Variants in SAMD8 observed in about 807,000 individuals in gnomAD.
SAMD8 encodes the protein sterile alpha motif domain containing 8.
A neutral mutation model predicts 42.0 loss-of-function variants in SAMD8; 20 were observed. The ratio of observed to expected loss-of-function variants is 0.48; its 90% CI spans 0.34 to 0.69. SAMD8 has a LOEUF of 0.69. Among genes scored for constraint, SAMD8 ranks in the 30% least tolerant of loss-of-function variants. The probability of loss-of-function intolerance (pLI) is 0.01; values close to 1 mark genes in which losing one functional copy is unlikely to be tolerated. For synonymous variants in SAMD8, 162 were observed against 173.0 expected, an observed-to-expected ratio of 0.94 and a Z score of 0.50; for missense variants, 328 against 511.6, an observed-to-expected ratio of 0.64 and a Z score of 3.46.
intron 2 of SAMD8, among the ~76,000 whole-genome samples, chr10:75,161,003 G>T (rs910234041): frequency 2.0e-5 from 3 of 152,184 alleles, no homozygotes; most frequent in Admixed American, 2.0e-4. Flanking sequence ...AGGAGGTGGA[G>T]GTTGCAGTTA....
intron 2 of SAMD8, among the ~76,000 whole-genome samples, chr10:75,162,640 A>G (rs939194936): frequency 3.0e-5 from 4 of 134,272 alleles, no homozygotes; most frequent in Non-Finnish European, 6.2e-5. Context: ...CACGAGTGAA[A>G]CTCCGTCTCA....
At chr10:75,105,837 C>T in intron 1 of SAMD8, 2 of 1,550,592 alleles carry the variant, frequency 1.3e-6, no homozygotes, top group Non-Finnish European at 1.7e-6. Context: ...CAGAGCGGCT[C>T]ACGCCCACCA....
rs545194029 is a variant in SAMD8 at position 75,120,341 on chromosome 10, G to C, written c.-16+8619G>C. On this transcript the variant is annotated intron_variant, in intron 1 of 5. Coordinates refer to ENST00000542569, the MANE Select transcript of SAMD8 (RefSeq NM_001174156.2). The stretch of plus-strand genomic sequence containing the variant: ...GGCTGGAGTGCAGTGGCACGATCTC[G>C]GCTCACCGCAAGCTCCGCCTCCCAG... Among the ~76,000 whole-genome samples the C allele has an allele frequency of 3.3e-5, 5 of 151,730 alleles. No individual in the cohort carries two copies. The South Asian group carries it at 1.0e-3, about 32-fold the overall frequency.
chr10:75,163,550 C>T (rs1336948120), intron 2 of SAMD8, among the ~76,000 whole-genome samples: 2 of 152,182 alleles, frequency 1.3e-5, no homozygotes, highest in Non-Finnish European at 2.9e-5. Context: ...CCTCCCACCT[C>T]AGCCTTCCAA....
At chr10:75,160,236 G>A (rs1239292551) in intron 2 of SAMD8, among the ~76,000 whole-genome samples, 1 of 151,678 alleles carries the variant, frequency 6.6e-6, no homozygotes, top group Non-Finnish European at 1.5e-5. Context: ...TTGCTCTGTC[G>A]CCCAGGCTGG....
At chr10:75,126,882 T>G (rs889901992) in intron 1 of SAMD8, among the ~76,000 whole-genome samples, 2 of 151,864 alleles carry the variant, frequency 1.3e-5, no homozygotes, top group Admixed American at 1.3e-4. Context: ...CAGTGCAAAA[T>G]TGTGATTCAA....
At chr10:75,130,280 T>C (rs558162680) in intron 1 of SAMD8, among the ~76,000 whole-genome samples, 35 of 152,108 alleles carry the variant, frequency 2.3e-4, no homozygotes, top group African/African-American at 8.4e-4. Context: ...GGCAGGCAGA[T>C]CACCTGAGGT....
At chr10:75,121,247 AT>A (rs1848998649) in intron 1 of SAMD8, among the ~76,000 whole-genome samples, 1 of 152,232 alleles carries the variant, frequency 6.6e-6, no homozygotes, top group South Asian at 2.1e-4. Context: ...GCAGGGTCAC[AT>A]AACTGTGAGT....
intron 1 of SAMD8, among the ~76,000 whole-genome samples, chr10:75,103,633 G>C (rs1210716060): frequency 1.3e-5 from 2 of 152,198 alleles, no homozygotes. Context: ...TGCACTCCCA[G>C]ATGGTGGGAA....
intron 4 of SAMD8, among the ~76,000 whole-genome samples, chr10:75,170,597 A>T (rs1840828385): frequency 6.6e-6 from 1 of 151,794 alleles, no homozygotes; most frequent in Non-Finnish European, 1.5e-5. Context: ...TCAAATTATA[A>T]AATTATATGT....
chr10:75,113,332 A>G (rs908797117), intron 1 of SAMD8, among the ~76,000 whole-genome samples: 52 of 152,002 alleles, frequency 3.4e-4, no homozygotes, highest in Non-Finnish European at 4.0e-4. Context: ...ATGTGATTAT[A>G]GGTTTGTAAA....
chr10:75,115,848 G>A (rs1313039294), intron 1 of SAMD8, among the ~76,000 whole-genome samples: 2 of 151,538 alleles, frequency 1.3e-5, no homozygotes, highest in Non-Finnish European at 2.9e-5. Context: ...GGCTGAGGCA[G>A]GAGAATGGCA....
intron 1 of SAMD8, among the ~76,000 whole-genome samples, chr10:75,130,920 T>C (rs1849261006): frequency 6.6e-6 from 1 of 152,226 alleles, no homozygotes; most frequent in South Asian, 2.1e-4. Flanking sequence ...CTCAGAATAG[T>C]GCCTGAGCAT....
intron 1 of SAMD8, among the ~76,000 whole-genome samples, chr10:75,103,542 C>A (rs768884002): frequency 3.0e-4 from 45 of 152,368 alleles, no homozygotes; most frequent in Non-Finnish European, 5.1e-4. Flanking sequence ...CAGCTAGGAC[C>A]TTCAATTGGG....
At chr10:75,134,822 C>T (rs1022770872) in intron 1 of SAMD8, among the ~76,000 whole-genome samples, 2 of 151,826 alleles carry the variant, frequency 1.3e-5, no homozygotes, top group East Asian at 1.9e-4. Context: ...TTTGGGAGGC[C>T]GAGGCAGGAA....
At chr10:75,109,746 T>C (rs1274375979), upstream of SAMD8, among the ~76,000 whole-genome samples, 1 of 152,036 alleles carries the variant, frequency 6.6e-6, no homozygotes. Context: ...CAGAGAAATA[T>C]GGGTAAGAGA....
intron 1 of SAMD8, among the ~76,000 whole-genome samples, chr10:75,106,513 A>C (rs1024720026): frequency 1.3e-5 from 2 of 152,150 alleles, no homozygotes; most frequent in African/African-American, 4.8e-5. Flanking sequence ...GTATTGCTTG[A>C]ATCACAAAGC....
At chr10:75,107,447 C>G (rs1305304547), upstream of SAMD8, among the ~76,000 whole-genome samples, 1 of 152,172 alleles carries the variant, frequency 6.6e-6, no homozygotes, top group African/African-American at 2.4e-5. Flanking sequence ...AGCTGTTCTG[C>G]TGTTTGGGAG....
At chr10:75,114,047 A>G (rs1848825557) in intron 1 of SAMD8, among the ~76,000 whole-genome samples, 1 of 152,174 alleles carries the variant, frequency 6.6e-6, no homozygotes, top group East Asian at 1.9e-4. Flanking sequence ...AAAGAAAATC[A>G]GTTTTTGGCT....
Sources: allele counts gnomAD v4.1 joint callset (sites outside exome capture counted in the v4.1 genomes callset), GRCh38; gene constraint gnomAD v4.1.1; transcripts MANE v1.5; gene names NCBI Gene and HGNC (gene_info 2026-07-23, HGNC 2026-07-21).